Variants in ROBO2 observed in about 807,000 individuals in gnomAD.
ROBO2 encodes roundabout guidance receptor 2, also known as roundabout homolog 2.
Under a neutral mutation model 160.8 loss-of-function variants are expected in ROBO2, and 53 were observed. The observed-to-expected ratio is 0.33, with a 90% confidence interval of 0.26 to 0.41. The LOEUF (loss-of-function observed/expected upper bound fraction) is 0.41. Among genes scored for constraint, ROBO2 ranks in the 10% least tolerant of loss-of-function variants. The pLI, the probability that ROBO2 is intolerant of heterozygous loss-of-function variation, is 1.00. For synonymous variants in ROBO2, 664 were observed against 611.7 expected, an observed-to-expected ratio of 1.09 and a Z score of -1.26; for missense variants, 1,577 against 1,722.4, an observed-to-expected ratio of 0.92 and a Z score of 1.49.
intron 2 of ROBO2, among the ~76,000 whole-genome samples, chr3:77,170,269 C>T (rs140376977): frequency 4.8e-3 from 734 of 152,142 alleles, no homozygotes; most frequent in Non-Finnish European, 7.6e-3. Context: ...TTGATAGTTC[C>T]AGATAGTTAT....
chr3:77,237,195 T>TTC, intron 2 of ROBO2, among the ~76,000 whole-genome samples: 1 of 149,296 alleles, frequency 6.7e-6, no homozygotes, highest in Admixed American at 6.7e-5. Context: ...TTTTTTTTTT[T>TTC]TTTTTTCATT....
At chr3:77,036,419 G>A (rs2063641216), upstream of ROBO2, among the ~76,000 whole-genome samples, 1 of 151,904 alleles carries the variant, frequency 6.6e-6, no homozygotes, top group South Asian at 2.1e-4. Flanking sequence ...GGGTTTTGCA[G>A]TTTTTACCAC....
chr3:76,278,333 A>G (rs1285045148), intron 2 of ROBO2, among the ~76,000 whole-genome samples: 1 of 152,010 alleles, frequency 6.6e-6, no homozygotes, highest in African/African-American at 2.4e-5. Flanking sequence ...TACCTTGAAT[A>G]ATTGCAGAGT....
At chr3:76,619,150 C>T (rs2088847864) in intron 2 of ROBO2, among the ~76,000 whole-genome samples, 1 of 151,520 alleles carries the variant, frequency 6.6e-6, no homozygotes, top group Non-Finnish European at 1.5e-5. Context: ...ACCATCCTGG[C>T]TAACACGGTG....
At chr3:75,983,129 G>A (rs2065322667) in intron 2 of ROBO2, among the ~76,000 whole-genome samples, 1 of 151,408 alleles carries the variant, frequency 6.6e-6, no homozygotes, top group African/African-American at 2.4e-5. Context: ...AAGCTTAAGT[G>A]TACAGTAGGA....
At chr3:76,247,021 C>G (rs1419060404) in intron 2 of ROBO2, among the ~76,000 whole-genome samples, 2 of 152,034 alleles carry the variant, frequency 1.3e-5, no homozygotes, top group African/African-American at 4.8e-5. Context: ...AAAAATAGTT[C>G]TATATTATCA....
intron 21 of ROBO2, among the ~76,000 whole-genome samples, chr3:77,617,115 C>T (rs1439611896): frequency 9.8e-6 from 1 of 102,318 alleles, no homozygotes; most frequent in Admixed American, 1.1e-4. Context: ...AATCAATCAG[C>T]GATATTGGCA....
chr3:76,447,818 C>T (rs1030286544), intron 2 of ROBO2, among the ~76,000 whole-genome samples: 3 of 145,586 alleles, frequency 2.1e-5, no homozygotes, highest in African/African-American at 7.7e-5. Flanking sequence ...TGCATTTTCT[C>T]ACTCATAGGT....
At chr3:76,107,408 T>C (rs115423252) in intron 2 of ROBO2, among the ~76,000 whole-genome samples, 1,895 of 152,238 alleles carry the variant, frequency 0.012, 34 homozygotes, top group African/African-American at 0.042. Flanking sequence ...ATTCAAAATA[T>C]ACTCTAGAAC....
chr3:76,501,155 CA>C (rs1274574705), intron 2 of ROBO2, among the ~76,000 whole-genome samples: 3 of 152,148 alleles, frequency 2.0e-5, no homozygotes, highest in Non-Finnish European at 4.4e-5. Context: ...CAGATTTTAT[CA>C]GTTTGAAGGT....
intron 2 of ROBO2, among the ~76,000 whole-genome samples, chr3:77,327,551 T>C (rs1336851277): frequency 6.6e-6 from 1 of 152,104 alleles, no homozygotes; most frequent in Non-Finnish European, 1.5e-5. Context: ...AAAGTGCATA[T>C]ATGGACCCCA....
At chr3:77,288,266 G>T (rs1355671536) in intron 2 of ROBO2, among the ~76,000 whole-genome samples, 1 of 152,178 alleles carries the variant, frequency 6.6e-6, no homozygotes, top group Admixed American at 6.5e-5. Context: ...TGATGGTAGT[G>T]GGTAGGAGAG....
intron 2 of ROBO2, among the ~76,000 whole-genome samples, chr3:77,449,628 A>G (rs953100380): frequency 3.9e-5 from 6 of 152,098 alleles, no homozygotes; most frequent in Admixed American, 1.3e-4. Context: ...GCATCAGGTG[A>G]CAGGTTTTGA....
At chr3:76,989,042 T>C (rs7617945) in intron 2 of ROBO2, among the ~76,000 whole-genome samples, 28,982 of 152,084 alleles carry the variant, frequency 0.19, 2,851 homozygotes, top group African/African-American at 0.21. Flanking sequence ...CTAAACACCT[T>C]CTTAACATGA....
At chr3:77,075,652 C>T (rs1238262980) in intron 1 of ROBO2, among the ~76,000 whole-genome samples, 1 of 144,110 alleles carries the variant, frequency 6.9e-6, no homozygotes, top group African/African-American at 2.6e-5. Flanking sequence ...CAAATATACA[C>T]TACTATTTCT....
chr3:77,237,027 C>G (rs1176045756), intron 2 of ROBO2, among the ~76,000 whole-genome samples: 1 of 152,044 alleles, frequency 6.6e-6, no homozygotes, highest in South Asian at 2.1e-4. Context: ...GCACATGCCA[C>G]CATGCCCAGT....
intron 2 of ROBO2, among the ~76,000 whole-genome samples, chr3:76,966,122 A>G (rs2059280555): frequency 6.6e-6 from 1 of 151,654 alleles, no homozygotes; most frequent in South Asian, 2.1e-4. Context: ...GGGTTTCTCC[A>G]TGTTGGTCAG....
At chr3:76,150,962 T>C (rs1417187403) in intron 2 of ROBO2, among the ~76,000 whole-genome samples, 1 of 152,116 alleles carries the variant, frequency 6.6e-6, no homozygotes, top group Non-Finnish European at 1.5e-5. Flanking sequence ...TTGAAAGGCA[T>C]ACACCATTTA....
chr3:76,795,577 C>A (rs1403679091), intron 2 of ROBO2, among the ~76,000 whole-genome samples: 1 of 152,068 alleles, frequency 6.6e-6, no homozygotes, highest in Non-Finnish European at 1.5e-5. Flanking sequence ...TGCAGCAATT[C>A]AGTCACATTT....
Sources: allele counts gnomAD v4.1 joint callset (sites outside exome capture counted in the v4.1 genomes callset), GRCh38; gene constraint gnomAD v4.1.1; transcripts MANE v1.5; gene names NCBI Gene and HGNC (gene_info 2026-07-23, HGNC 2026-07-21).